Variants in IL26 observed in about 807,000 individuals in gnomAD.
The protein encoded by IL26 is interleukin-26.
In IL26, 23 loss-of-function variants were observed where a neutral mutation model predicts 21.7. The ratio of observed to expected loss-of-function variants is 1.06; its 90% CI spans 0.76 to 1.50. The LOEUF (loss-of-function observed/expected upper bound fraction) is 1.50. IL26 is among the 40% of genes most tolerant of loss of function. IL26 has a pLI of 0.00. For synonymous variants in IL26, 63 were observed against 67.8 expected, an observed-to-expected ratio of 0.93 and a Z score of 0.34; for missense variants, 204 against 196.0, an observed-to-expected ratio of 1.04 and a Z score of -0.24.
In IL26 at chr12:68,219,389, A is replaced by G. The variant is rs538778296; in HGVS notation, c.363+5760T>C. Among the ~76,000 whole-genome samples, 23 of 152,060 alleles carry G rather than the reference A, an allele frequency of 1.5e-4. No homozygotes were observed. In the East Asian group the frequency reaches 3.5e-3, roughly 23 times the overall value. ...TCAAAATTAGAAAAGTATCTAGAAA[A>G]ATTCCCACATATAAAAACTAAATAA... On this transcript the variant is annotated intron_variant, in intron 3 of 4. Coordinates refer to ENST00000229134, the MANE Select transcript of IL26 (RefSeq NM_018402.2).
chr12:68,205,948 A>G (rs1321644402), intron 3 of IL26, among the ~76,000 whole-genome samples: 1 of 152,076 alleles, frequency 6.6e-6, no homozygotes, highest in Non-Finnish European at 1.5e-5. Context: ...ACTCATCTCC[A>G]TCAAGTCGTC....
intron 3 of IL26, among the ~76,000 whole-genome samples, chr12:68,218,311 AG>A (rs1400485920): frequency 2.6e-5 from 4 of 152,130 alleles, no homozygotes; most frequent in Non-Finnish European, 5.9e-5. Flanking sequence ...ATATTTTAAA[AG>A]TTGCTATAAC....
chr12:68,202,170 A>G (rs1246309544), intron 3 of IL26, 87 bp from the exon 4 acceptor site: 6 of 856,686 alleles, frequency 7.0e-6, no homozygotes, highest in Non-Finnish European at 1.1e-5. Context: ...TTTATAGAGC[A>G]GGTATTATGT....
chr12:68,220,731 G>T (rs1869020943), intron 3 of IL26, among the ~76,000 whole-genome samples: 6 of 152,198 alleles, frequency 3.9e-5, no homozygotes, highest in Admixed American at 3.9e-4. Flanking sequence ...CCACCTCCTG[G>T]GTTCAAGAGA....
At chr12:68,203,592 G>A (rs1270713375) in intron 3 of IL26, among the ~76,000 whole-genome samples, 3 of 152,116 alleles carry the variant, frequency 2.0e-5, no homozygotes, top group East Asian at 1.9e-4. Flanking sequence ...ATGTCCTCTC[G>A]ACAAAAGAAT....
At chr12:68,216,395 C>T (rs73332721) in intron 3 of IL26, among the ~76,000 whole-genome samples, 2,193 of 152,236 alleles carry the variant, frequency 0.014, 43 homozygotes, top group African/African-American at 0.05. Flanking sequence ...ACCACTCCTT[C>T]GTAAATTGTT....
intron 3 of IL26, among the ~76,000 whole-genome samples, chr12:68,204,468 G>A (rs1402014304): frequency 1.3e-5 from 2 of 152,014 alleles, no homozygotes; most frequent in African/African-American, 4.8e-5. Context: ...AACACTGAAG[G>A]TAAGAGACCA....
At chr12:68,224,650 AAAAG>A (rs1323621635) in intron 3 of IL26, among the ~76,000 whole-genome samples, 36 of 150,022 alleles carry the variant, frequency 2.4e-4, no homozygotes, top group African/African-American at 5.7e-4. Context: ...GGAAGGAAGG[AAAAG>A]AAAGAAAGAG....
Position 68,201,904 on chromosome 12 carries a change from T to G in IL26, c.457A>C (p.Ile153Leu). 6.2e-7 allele frequency: 1 copy of G among 1,605,530 alleles called. No individual in the cohort carries two copies. The highest frequency in any genetic ancestry group is 1.7e-5 in the Admixed American group (1 of 58,292). The change falls in exon 5 of 5, where the codon ATC becomes CTC. Residue 153 changes from isoleucine to leucine, a missense_variant. Transcript: ENST00000229134. ...RIGNKGIYKA[I>L]SELDILLSWI... ...GAAAGAAGAATATCCAGTTCACTGA[T>G]GGCTTTGTAGATTCCTTTGTTTCCA... is the stretch of plus-strand genomic sequence containing the variant.
rs371830939 is a variant in IL26 at position 68,225,494 on chromosome 12, G to C, written c.178C>G (p.Arg60Gly). 2.5e-6 allele frequency: 4 copies of C among 1,592,100 alleles called. No individual in the cohort carries two copies. Among genetic ancestry groups the C allele is most frequent in the Non-Finnish European group, 3.4e-6 (4 of 1,161,132 alleles). ...AWLKATIPED[R>G]IKNIRLLKKK... is the part of the protein sequence containing the mutation. ...TTTAATAATCGTATATTTTTTATGCGGTCTTCCTACAATAATACAAAGAGA... is the reference window on the plus strand; with the variant it reads ...TTTAATAATCGTATATTTTTTATGCCGTCTTCCTACAATAATACAAAGAGA... Residue 60 changes from arginine (R) to glycine (G), a missense_variant, in exon 2 of 5, where the codon CGC (arginine) becomes GGC (glycine). By Grantham distance (125) the Arg-to-Gly change is moderately radical (BLOSUM62 -2). Transcript: ENST00000229134.
chr12:68,214,641 T>C (rs773895707), intron 3 of IL26, among the ~76,000 whole-genome samples: 1 of 152,206 alleles, frequency 6.6e-6, no homozygotes, highest in Non-Finnish European at 1.5e-5. Context: ...GATAAAAGGA[T>C]AGCTAGTCCT....
intron 3 of IL26, among the ~76,000 whole-genome samples, chr12:68,224,713 GGAGA>G (rs1438723616): frequency 7.3e-6 from 1 of 137,698 alleles, no homozygotes; most frequent in Non-Finnish European, 1.6e-5. Flanking sequence ...AGGGAGGGAG[GGAGA>G]GGGAAGGAAG....
Position 68,225,234 on chromosome 12 carries a change from A to G in IL26, c.278T>C (p.Val93Ala). Residue 93 changes from valine to alanine, a missense_variant, in exon 3 of 5, where the codon GTT becomes GCT. Physicochemically the swap from Val to Ala is moderately conservative, Grantham distance 64. Coordinates refer to ENST00000229134, the MANE Select transcript of IL26 (RefSeq NM_018402.2). ...GCCTTGCAATTGCAGTTGACCAAAA[A>G]CGTCTTCCATGAAGAAGGACAGAAG... ...EQLLSFFMED[V>A]FGQLQLQGCK... 6.2e-7 allele frequency: 1 copy of G among 1,613,782 alleles called. No homozygotes were observed. Among genetic ancestry groups the G allele is most frequent in the African/African-American group, 1.3e-5 (1 of 75,050 alleles).
At chr12:68,205,813 A>G (rs1868525288) in intron 3 of IL26, among the ~76,000 whole-genome samples, 1 of 152,234 alleles carries the variant, frequency 6.6e-6, no homozygotes, top group African/African-American at 2.4e-5. Context: ...AGTTCATGTC[A>G]TAAAAGAAGT....
chr12:68,206,692 T>G (rs1565736408), intron 3 of IL26, among the ~76,000 whole-genome samples: 1 of 152,350 alleles, frequency 6.6e-6, no homozygotes, highest in East Asian at 1.9e-4. Flanking sequence ...AGCCTATTCC[T>G]TCCTGCCTTA....
At chr12:68,219,750 G>C (rs994056991) in intron 3 of IL26, among the ~76,000 whole-genome samples, 1 of 151,560 alleles carries the variant, frequency 6.6e-6, no homozygotes, top group Non-Finnish European at 1.5e-5. Flanking sequence ...AAACAGAAAA[G>C]TAATAAAGAA....
intron 3 of IL26, among the ~76,000 whole-genome samples, chr12:68,221,397 A>C (rs1364323768): frequency 6.6e-6 from 1 of 152,190 alleles, no homozygotes; most frequent in Non-Finnish European, 1.5e-5. Context: ...TACCCTCAAA[A>C]TGTGGCAATT....
At chr12:68,215,088 CTT>C (rs1382943659) in intron 3 of IL26, among the ~76,000 whole-genome samples, 2 of 152,104 alleles carry the variant, frequency 1.3e-5, no homozygotes, top group Non-Finnish European at 2.9e-5. Flanking sequence ...CAGATGACAA[CTT>C]ATATTTGATC....
intron 3 of IL26, among the ~76,000 whole-genome samples, chr12:68,218,858 C>T (rs373707141): frequency 6.6e-6 from 1 of 151,904 alleles, no homozygotes; most frequent in East Asian, 1.9e-4. Context: ...TGGAAAAAGA[C>T]ATAGCACACT....
Sources: allele counts gnomAD v4.1 joint callset (sites outside exome capture counted in the v4.1 genomes callset), GRCh38; gene constraint gnomAD v4.1.1; transcripts MANE v1.5; gene names NCBI Gene and HGNC (gene_info 2026-07-23, HGNC 2026-07-21).